KPNA1: variants seen among roughly 807,000 people sequenced by gnomAD.
KPNA1 encodes the protein importin subunit alpha-5.
Under a neutral mutation model 70.5 loss-of-function variants are expected in KPNA1, and 10 were observed. The observed-to-expected ratio is 0.14, with a 90% CI of 0.09 to 0.24. The LOEUF is 0.24. Among genes scored for constraint, KPNA1 ranks in the 10% least tolerant of loss-of-function variants. The pLI, the probability that KPNA1 is intolerant of heterozygous loss-of-function variation, is 1.00. For synonymous variants in KPNA1, 192 were observed against 221.9 expected (o/e 0.87, Z 1.20); for missense variants, 397 against 637.9 (o/e 0.62, Z 4.07).
chr3:122,472,345 T>C (rs550334488), intron 2 of KPNA1, among the ~76,000 whole-genome samples: 2 of 151,364 alleles, frequency 1.3e-5, no homozygotes, highest in South Asian at 4.2e-4. Context: ...AACACATAGG[T>C]CAAAAAAGAG....
At chr3:122,508,545 T>C (rs2076917068) in intron 1 of KPNA1, among the ~76,000 whole-genome samples, 1 of 152,168 alleles carries the variant, frequency 6.6e-6, no homozygotes, top group South Asian at 2.1e-4. Context: ...GCCTTATTGA[T>C]AACAGAATTA....
intron 11 of KPNA1, 120 bp downstream of exon 11, chr3:122,437,050 G>A: frequency 3.1e-6 from 3 of 953,470 alleles, no homozygotes; most frequent in Non-Finnish European, 4.8e-6. Context: ...AGAGTGCTGG[G>A]ATTACAGGCA....
intron 12 of KPNA1, among the ~76,000 whole-genome samples, chr3:122,428,115 A>G (rs1329046393): frequency 6.6e-6 from 1 of 152,258 alleles, no homozygotes; most frequent in East Asian, 1.9e-4. Context: ...CTGATAAGCC[A>G]AATCTTTCAA....
intron 2 of KPNA1, among the ~76,000 whole-genome samples, chr3:122,481,248 A>C (rs2076567445): frequency 1.3e-5 from 2 of 152,234 alleles, no homozygotes; most frequent in South Asian, 4.1e-4. Context: ...CAGAAGCATT[A>C]TTCACAATAG....
intron 2 of KPNA1, among the ~76,000 whole-genome samples, chr3:122,493,258 C>T (rs2076719768): frequency 6.6e-6 from 1 of 151,752 alleles, no homozygotes; most frequent in African/African-American, 2.4e-5. Context: ...AATAATCTAC[C>T]TTATACAATG....
At chr3:122,442,837 CA>C (rs1457071270) in intron 9 of KPNA1, 1 of 152,202 alleles carries the variant, frequency 6.6e-6, no homozygotes, top group Non-Finnish European at 1.5e-5. Context: ...GGTTCCGTTC[CA>C]AGATAGCTGA....
chr3:122,505,339 A>C (rs915379868), intron 1 of KPNA1, among the ~76,000 whole-genome samples: 4 of 152,008 alleles, frequency 2.6e-5, no homozygotes, highest in Non-Finnish European at 4.4e-5. Flanking sequence ...AAATCACTAT[A>C]GTAGAGCAAA....
chr3:122,484,865 T>C (rs1322296952), intron 2 of KPNA1, among the ~76,000 whole-genome samples: 8 of 152,158 alleles, frequency 5.3e-5, no homozygotes, highest in Non-Finnish European at 8.8e-5. Context: ...CTAAAGTTCA[T>C]ATAAATGTGA....
intron 2 of KPNA1, among the ~76,000 whole-genome samples, chr3:122,493,427 T>C (rs1476845844): frequency 1.3e-5 from 2 of 150,280 alleles, no homozygotes; most frequent in African/African-American, 2.4e-5. Context: ...AGAAACAATA[T>C]ACGAGTTAGA....
At chr3:122,479,739 G>A (rs1264513664) in intron 2 of KPNA1, among the ~76,000 whole-genome samples, 3 of 152,048 alleles carry the variant, frequency 2.0e-5, no homozygotes, top group African/African-American at 2.4e-5. Flanking sequence ...TAGCCTAGGC[G>A]ACAGAACAAG....
At chr3:122,472,442 G>T (rs1231503919) in intron 2 of KPNA1, among the ~76,000 whole-genome samples, 5 of 152,124 alleles carry the variant, frequency 3.3e-5, no homozygotes, top group Non-Finnish European at 7.4e-5. Context: ...TGAAAGCAGT[G>T]CTTAGAGGGA....
At chr3:122,467,006 CATAAATAAATAAATAAATAA>C (rs71136571) in intron 3 of KPNA1, among the ~76,000 whole-genome samples, 69 of 142,046 alleles carry the variant, frequency 4.9e-4, no homozygotes, top group South Asian at 4.2e-3. Flanking sequence ...GTCTCTAAAA[CATAAATAAATAAATAAATAA>C]ATAAATAAAT....
intron 2 of KPNA1, among the ~76,000 whole-genome samples, chr3:122,489,089 G>C (rs1315854335): frequency 9.8e-6 from 1 of 101,710 alleles, no homozygotes; most frequent in East Asian, 3.6e-4. Flanking sequence ...TGTGTGTCAG[G>C]GCAGGGCGGG....
chr3:122,511,422 C>A (rs1299624129), intron 1 of KPNA1, among the ~76,000 whole-genome samples: 2 of 152,184 alleles, frequency 1.3e-5, no homozygotes, highest in Non-Finnish European at 2.9e-5. Flanking sequence ...TTACTGCCTG[C>A]TTTCAAGAAC....
chr3:122,492,221 T>C (rs2076708687), intron 2 of KPNA1, among the ~76,000 whole-genome samples: 1 of 152,148 alleles, frequency 6.6e-6, no homozygotes, highest in Non-Finnish European at 1.5e-5. Flanking sequence ...AACACAAGAT[T>C]TGTGTCACAG....
intron 2 of KPNA1, among the ~76,000 whole-genome samples, chr3:122,484,671 T>C (rs1032574595): frequency 6.7e-6 from 1 of 150,188 alleles, no homozygotes; most frequent in Non-Finnish European, 1.5e-5. Context: ...AAAAAATAAA[T>C]AAAATAAAGG....
At chr3:122,435,459 C>A (rs917621827) in intron 11 of KPNA1, among the ~76,000 whole-genome samples, 15 of 152,192 alleles carry the variant, frequency 9.9e-5, no homozygotes, top group African/African-American at 3.4e-4. Context: ...TTGAGGCAAT[C>A]TACATGGGTC....
rs368341068 is a variant in KPNA1, at chr3:122,426,965, C to G, written c.*20G>C. The G allele has an allele frequency of 6.2e-7, 1 of 1,607,092 alleles. No individual in the cohort carries two copies. The highest frequency in any genetic ancestry group is 8.5e-7 in the Non-Finnish European group (1 of 1,174,254). ...TGGGTAGCCTGGTCTGACACAGGTA[C>G]GTGAAAGCAGAGTATTGCTTCAAAG... On this transcript the variant is annotated 3_prime_UTR_variant, in exon 14 of 14. Coordinates refer to ENST00000344337, the MANE Select transcript of KPNA1 (RefSeq NM_002264.4).
chr3:122,431,761 T>C (rs73190104), intron 12 of KPNA1, among the ~76,000 whole-genome samples: 2,917 of 152,230 alleles, frequency 0.019, 84 homozygotes, highest in East Asian at 0.12. Context: ...TCATGAAAGA[T>C]GGCATAATAA....
Sources: allele counts gnomAD v4.1 joint callset (sites outside exome capture counted in the v4.1 genomes callset), GRCh38; gene constraint gnomAD v4.1.1; transcripts MANE v1.5; gene names NCBI Gene and HGNC (gene_info 2026-07-23, HGNC 2026-07-21).